The following STAU2 variants were observed in gnomAD, a reference collection of about 807,000 sequenced individuals.
STAU2 encodes the protein double-stranded RNA-binding protein Staufen homolog 2.
A neutral mutation model predicts 65.9 loss-of-function variants in STAU2; 20 were observed. The observed-to-expected ratio is 0.30, with a 90% CI of 0.21 to 0.44. The LOEUF is 0.44. Among genes scored for constraint, STAU2 ranks in the 20% least tolerant of loss-of-function variants. STAU2 has a pLI of 1.00. For missense variants in STAU2, 558 were observed against 683.9 expected (o/e 0.82, Z 2.05); for synonymous variants, 232 against 233.9 (o/e 0.99, Z 0.07).
At chr8:73,603,890 TA>T (rs1811821147) in intron 9 of STAU2, 27 bp from the exon 10 acceptor site, 1 of 1,574,636 alleles carries the variant, frequency 6.4e-7, no homozygotes, top group Non-Finnish European at 8.6e-7. Context: ...GAAAAAGTTT[TA>T]AAATATGCTT....
chr8:73,544,675 C>T lies in STAU2; in HGVS notation c.1530+7337G>A, dbSNP rs553868810. Among the ~76,000 whole-genome samples, 10 of 152,292 alleles carry T rather than the reference C, an allele frequency of 6.6e-5. No individual in the cohort carries two copies. In the East Asian group the frequency reaches 1.9e-3, roughly 29 times the overall value. ...CCTAATTCCTTCAGCCAGAAATGTT[C>T]ATTTCCATTCACAATTCTTGACATC... On this transcript the variant is annotated intron_variant, in intron 13 of 14. Coordinates refer to ENST00000524300, the MANE Select transcript of STAU2 (RefSeq NM_001164380.2).
At chr8:73,624,897 A>G (rs150239268) in intron 6 of STAU2, among the ~76,000 whole-genome samples, 100 of 152,356 alleles carry the variant, frequency 6.6e-4, no homozygotes, top group African/African-American at 2.3e-3. Flanking sequence ...CTGTAAGTCT[A>G]GAAGACCAAG....
At chr8:73,600,449 C>G (rs3926238) in intron 10 of STAU2, among the ~76,000 whole-genome samples, 4,319 of 152,262 alleles carry the variant, frequency 0.028, 173 homozygotes, top group African/African-American at 0.095. Flanking sequence ...AGACCAGGTA[C>G]TCAGAGCCAG....
At chr8:73,654,661 A>AAAAAAAAAAAAAAAAAAT (rs1563484768) in intron 6 of STAU2, among the ~76,000 whole-genome samples, 2 of 137,258 alleles carry the variant, frequency 1.5e-5, no homozygotes, top group Non-Finnish European at 3.2e-5. Context: ...AAAAAAAAAA[A>AAAAAAAAAAAAAAAAAAT]GAACTCTTTT....
At chr8:73,604,331 C>T (rs1379593283) in intron 9 of STAU2, among the ~76,000 whole-genome samples, 1 of 152,094 alleles carries the variant, frequency 6.6e-6, no homozygotes, top group African/African-American at 2.4e-5. Flanking sequence ...CGGGTTCAAG[C>T]GATTCTCGTG....
chr8:73,624,712 G>A (rs901752284), intron 6 of STAU2, among the ~76,000 whole-genome samples: 18 of 152,178 alleles, frequency 1.2e-4, no homozygotes, highest in African/African-American at 4.1e-4. Context: ...CTGGATAGAT[G>A]AACACTATAA....
intron 13 of STAU2, among the ~76,000 whole-genome samples, chr8:73,485,590 C>T (rs1820873777): frequency 6.6e-6 from 1 of 152,014 alleles, no homozygotes; most frequent in African/African-American, 2.4e-5. Flanking sequence ...GTAGCTCAGA[C>T]CCGTAATCTC....
intron 12 of STAU2, among the ~76,000 whole-genome samples, chr8:73,559,502 T>C (rs956730780): frequency 2.6e-5 from 4 of 152,216 alleles, no homozygotes; most frequent in East Asian, 3.9e-4. Context: ...GACTTTTAGC[T>C]ACATGAAAGC....
chr8:73,617,538 T>G (rs1276629260), intron 6 of STAU2, 87 bp from the exon 7 acceptor site: 1 of 1,300,816 alleles, frequency 7.7e-7, no homozygotes, highest in African/African-American at 1.5e-5. Flanking sequence ...TGATACCAAT[T>G]ATATAATGTG....
chr8:73,483,317 T>G lies in STAU2; in HGVS notation c.1531-60615A>C, dbSNP rs1055508956. Among the ~76,000 whole-genome samples, 10 of 152,126 alleles carry G rather than the reference T, an allele frequency of 6.6e-5. No homozygotes were observed. In the East Asian group the frequency reaches 1.9e-3, roughly 29 times the overall value. On this transcript the variant is annotated intron_variant, in intron 13 of 14. Transcript: ENST00000524300. ...AGGGGGGAAAAAACCTCACAAATTG[T>G]CTAGGCAGTCGTGAGCAATCATTGA...
chr8:73,559,149 CTATAGTTA>C (rs1808004536), intron 12 of STAU2, among the ~76,000 whole-genome samples: 1 of 152,172 alleles, frequency 6.6e-6, no homozygotes, highest in Admixed American at 6.5e-5. Flanking sequence ...TGAAAATGTA[CTATAGTTA>C]TATAAGACAT....
At chr8:73,445,088 AC>A (rs1295496192) in intron 13 of STAU2, among the ~76,000 whole-genome samples, 2 of 152,232 alleles carry the variant, frequency 1.3e-5, no homozygotes, top group African/African-American at 4.8e-5. Flanking sequence ...CCAAACTCGA[AC>A]CAGACGTCCT....
chr8:73,524,030 G>C (rs1823207710), intron 13 of STAU2, among the ~76,000 whole-genome samples: 1 of 152,144 alleles, frequency 6.6e-6, no homozygotes, highest in Admixed American at 6.6e-5. Context: ...CTGGGTGACA[G>C]AGCAAAACTC....
intron 11 of STAU2, among the ~76,000 whole-genome samples, chr8:73,591,820 G>T (rs1441393945): frequency 7.3e-6 from 1 of 137,624 alleles, no homozygotes; most frequent in Non-Finnish European, 1.5e-5. Flanking sequence ...AATCAAGAGG[G>T]AAATCAGAAC....
At position 73,656,616 on chromosome 8, in the gene STAU2, A is replaced by C. The variant is rs542330372; in HGVS notation, c.410+16491T>G. Among the ~76,000 whole-genome samples the C allele has an allele frequency of 2.0e-5, 3 of 152,352 alleles. No homozygotes were observed. In the East Asian group the frequency reaches 5.8e-4, roughly 29 times the overall value. ...AAAACATCAAAATATTGTTAATTCC[A>C]ATATCCTTTTGCTGAAATAACATTT... On this transcript the variant is annotated intron_variant, in intron 6 of 14. Coordinates refer to ENST00000524300, the MANE Select transcript of STAU2 (RefSeq NM_001164380.2).
At chr8:73,737,926 A>G (rs1011230515) in intron 3 of STAU2, among the ~76,000 whole-genome samples, 1 of 152,104 alleles carries the variant, frequency 6.6e-6, no homozygotes, top group Middle Eastern at 3.4e-3. Flanking sequence ...AGATACAACT[A>G]CTTCACAAGA....
chr8:73,673,211 C>G lies in STAU2; in HGVS notation c.306G>C (p.Gly102=), dbSNP rs750989829. The change falls in exon 6 of 15, where the codon GGG becomes GGC. Residue 102 remains glycine (G), a synonymous_variant. Transcript: ENST00000524300. ...CAGGCTCTCCCCTTTTCATAGCAAG[C>G]CCATTCAGTTCCACAGTTGGAGTTA... The part of the protein sequence containing the change: ...GSITPTVELN[G]LAMKRGEPAI... 6.2e-7 allele frequency: 1 copy of G among 1,601,502 alleles called. No homozygotes were observed. The highest frequency in any genetic ancestry group is 1.1e-5 in the South Asian group (1 of 88,954).
intron 12 of STAU2, among the ~76,000 whole-genome samples, chr8:73,560,994 C>CT (rs997038995): frequency 9.4e-5 from 14 of 148,836 alleles, no homozygotes; most frequent in African/African-American, 2.0e-4. Flanking sequence ...CATCATTCAT[C>CT]TTTTTTTTTT....
chr8:73,464,833 C>A (rs780834823), intron 13 of STAU2, among the ~76,000 whole-genome samples: 18 of 152,136 alleles, frequency 1.2e-4, no homozygotes, highest in Non-Finnish European at 2.5e-4. Context: ...CACCAACCTG[C>A]AAATAAAAAC....
Sources: allele counts gnomAD v4.1 joint callset (sites outside exome capture counted in the v4.1 genomes callset), GRCh38; gene constraint gnomAD v4.1.1; transcripts MANE v1.5; gene names NCBI Gene and HGNC (gene_info 2026-07-23, HGNC 2026-07-21).